TSHZ3: variants seen among roughly 807,000 people sequenced by gnomAD.
TSHZ3 encodes teashirt zinc finger homeobox 3.
Under a neutral mutation model 64.5 loss-of-function variants are expected in TSHZ3, and 10 were observed. The ratio of observed to expected loss-of-function variants is 0.16; its 90% CI spans 0.10 to 0.26. TSHZ3 has a LOEUF of 0.26. Among genes scored for constraint, TSHZ3 ranks in the 10% least tolerant of loss-of-function variants. The pLI, the probability that TSHZ3 is intolerant of heterozygous loss-of-function variation, is 1.00. For synonymous variants in TSHZ3, 608 were observed against 593.1 expected (o/e 1.03, Z -0.36); for missense variants, 1,242 against 1,421.7 (o/e 0.87, Z 2.03).
At chr19:31,231,287 T>G (rs1232761452) in intron 3 of TSHZ3, among the ~76,000 whole-genome samples, 2 of 152,024 alleles carry the variant, frequency 1.3e-5, no homozygotes, top group Non-Finnish European at 2.9e-5. Context: ...TCCCACACTT[T>G]CAGCTCTCAG....
At chr19:31,176,837 C>T (rs541126179) in intron 5 of TSHZ3, among the ~76,000 whole-genome samples, 12 of 152,034 alleles carry the variant, frequency 7.9e-5, no homozygotes, top group South Asian at 4.2e-4. Context: ...AAAAACACAA[C>T]GAGATACCAC....
intron 4 of TSHZ3, among the ~76,000 whole-genome samples, chr19:31,209,024 G>A (rs1255966428): frequency 2.0e-5 from 3 of 152,138 alleles, no homozygotes; most frequent in Non-Finnish European, 4.4e-5. Context: ...TGAGCAGAAG[G>A]CCATGATTGA....
intron 6 of TSHZ3, among the ~76,000 whole-genome samples, chr19:31,155,820 C>G (rs952406791): frequency 6.6e-6 from 1 of 152,192 alleles, no homozygotes; most frequent in Admixed American, 6.5e-5. Flanking sequence ...AACTTGTTTT[C>G]CAGGACACCG....
At chr19:31,323,863 AACAC>A (rs58051976) in intron 1 of TSHZ3, among the ~76,000 whole-genome samples, 10,096 of 122,016 alleles carry the variant, frequency 0.083, 521 homozygotes, top group African/African-American at 0.15. Flanking sequence ...CCTGGCCTCC[AACAC>A]ACACACACAC....
At chr19:31,293,931 C>T (rs537873268) in intron 1 of TSHZ3, among the ~76,000 whole-genome samples, 5 of 152,310 alleles carry the variant, frequency 3.3e-5, no homozygotes, top group South Asian at 2.1e-4. Context: ...CCTTCCTCAA[C>T]GGCTCTCGAA....
chr19:31,335,627 C>G (rs1440597723), intron 1 of TSHZ3, among the ~76,000 whole-genome samples: 1 of 152,246 alleles, frequency 6.6e-6, no homozygotes, highest in African/African-American at 2.4e-5. Context: ...GATTCCGGCT[C>G]AAGAACCCAA....
At chr19:31,159,211 G>A (rs1974341770) in intron 5 of TSHZ3, among the ~76,000 whole-genome samples, 1 of 152,138 alleles carries the variant, frequency 6.6e-6, no homozygotes. Flanking sequence ...ATTTTGGCCA[G>A]GCTGGTCTTG....
intron 5 of TSHZ3, among the ~76,000 whole-genome samples, chr19:31,179,784 G>A (rs903831218): frequency 2.0e-5 from 3 of 151,006 alleles, no homozygotes; most frequent in African/African-American, 7.3e-5. Flanking sequence ...TGATAATGGT[G>A]GTGATGGTGG....
intron 4 of TSHZ3, among the ~76,000 whole-genome samples, chr19:31,214,489 G>C (rs1278956820): frequency 6.6e-6 from 1 of 152,208 alleles, no homozygotes; most frequent in Non-Finnish European, 1.5e-5. Context: ...TTTGATTCTT[G>C]AGTTTTATTC....
intron 5 of TSHZ3, among the ~76,000 whole-genome samples, chr19:31,194,461 C>T (rs1974956739): frequency 6.6e-6 from 1 of 152,142 alleles, no homozygotes. Context: ...AACTCCACAC[C>T]ATTGCAGCCA....
intron 1 of TSHZ3, among the ~76,000 whole-genome samples, chr19:31,320,118 T>C (rs1011237083): frequency 2.0e-5 from 3 of 152,206 alleles, no homozygotes; most frequent in Non-Finnish European, 2.9e-5. Context: ...GAAATATACA[T>C]GTAGGTTCTT....
chr19:31,151,835 C>T (rs573131638), intron 6 of TSHZ3, among the ~76,000 whole-genome samples: 1 of 151,844 alleles, frequency 6.6e-6, no homozygotes, highest in African/African-American at 2.4e-5. Context: ...CTTGCAATAA[C>T]TATTAATTAA....
chr19:31,204,834 C>T (rs1975142168), intron 5 of TSHZ3: 1 of 152,382 alleles, frequency 6.6e-6, no homozygotes, highest in Non-Finnish European at 1.5e-5. Flanking sequence ...AGCCACAAGC[C>T]CCTCCAGGGT....
chr19:31,214,770 T>C (rs1184400856), intron 4 of TSHZ3, among the ~76,000 whole-genome samples: 4 of 151,182 alleles, frequency 2.6e-5, no homozygotes, highest in Non-Finnish European at 5.9e-5. Flanking sequence ...TAGCCGGGCG[T>C]GGTGGCGGGC....
intron 5 of TSHZ3, among the ~76,000 whole-genome samples, chr19:31,190,069 T>C (rs540412167): frequency 6.7e-6 from 1 of 149,390 alleles, no homozygotes; most frequent in South Asian, 2.1e-4. Flanking sequence ...AGAGTGTTTT[T>C]CTTGAAGTAG....
chr19:31,277,812 C>T lies in TSHZ3; in HGVS notation c.1981G>A (p.Asp661Asn), dbSNP rs754170829. 6.4e-6 allele frequency: 10 copies of T among 1,551,836 alleles called. No individual in the cohort carries two copies. In the Admixed American group the frequency reaches 7.8e-5, roughly 12 times the overall value. Residue 661 changes from aspartate to asparagine, a missense_variant, in exon 2 of 2, where the codon GAT (aspartate) becomes AAT (asparagine). Asp to Asn is a conservative substitution (Grantham distance 23). This residue lies in a region of TSHZ3 where 550 missense variants were observed against 545.1 expected (regional missense o/e 1.01). Transcript: ENST00000240587. The surrounding 1 kb of genome is among the most constrained non-coding windows in gnomAD (Gnocchi z 4.5). ...GEPIKMEASS[D>N]GGFRSQENSP... Reference sequence around the variant, plus strand: ...TTCTCCTGGCTGCGGAAGCCCCCATCGCTGGATGCCTCCATCTTGATGGGT... The same window carrying T: ...TTCTCCTGGCTGCGGAAGCCCCCATTGCTGGATGCCTCCATCTTGATGGGT...
At chr19:31,226,742 T>C (rs1975467758) in intron 4 of TSHZ3, among the ~76,000 whole-genome samples, 1 of 152,098 alleles carries the variant, frequency 6.6e-6, no homozygotes, top group Admixed American at 6.6e-5. Flanking sequence ...CTTCATTTGC[T>C]CTGGGAAGTC....
At chr19:31,317,372 C>A (rs565547515) in intron 1 of TSHZ3, among the ~76,000 whole-genome samples, 2 of 152,308 alleles carry the variant, frequency 1.3e-5, no homozygotes, top group South Asian at 2.1e-4. Flanking sequence ...GGATGCTGAA[C>A]AGTGCAGGCT....
chr19:31,227,169 G>T (rs570477236), intron 4 of TSHZ3, among the ~76,000 whole-genome samples: 4 of 151,182 alleles, frequency 2.6e-5, no homozygotes, highest in Non-Finnish European at 5.9e-5. Context: ...TAGTAGATAT[G>T]GGGTTTCACT....
Sources: gnomAD v4.1 joint callset for allele counts (sites outside exome capture counted in the v4.1 genomes callset) on GRCh38, gnomAD v4.1.1 for gene constraint, gnomAD v4.1.1 regional missense constraint, Gnocchi (gnomAD v3.1) non-coding constraint, MANE v1.5 for transcripts, NCBI Gene and HGNC (gene_info 2026-07-23, HGNC 2026-07-21) for gene names.